The following NRXN1 variants were observed in gnomAD, a reference collection of about 807,000 sequenced individuals.
NRXN1 encodes the protein neurexin 1, also known as neurexin-1.
Under a neutral mutation model 150.9 loss-of-function variants are expected in NRXN1, and 39 were observed. The observed-to-expected ratio is 0.26, with a 90% CI of 0.20 to 0.34. NRXN1 has a LOEUF of 0.34. NRXN1 is among the 10% of genes least tolerant of loss of function. NRXN1 has a pLI of 1.00. For synonymous variants in NRXN1, 924 were observed against 757.0 expected (o/e 1.22, Z -3.62); for missense variants, 1,815 against 1,949.9 (o/e 0.93, Z 1.30).
At chr2:50,984,490 G>A (rs1368230323) in intron 2 of NRXN1, among the ~76,000 whole-genome samples, 1 of 151,896 alleles carries the variant, frequency 6.6e-6, no homozygotes, top group African/African-American at 2.4e-5. Context: ...CCTAATATAT[G>A]TGCCTACTAT....
At chr2:50,756,147 T>C (rs1701135788) in intron 5 of NRXN1, among the ~76,000 whole-genome samples, 1 of 151,808 alleles carries the variant, frequency 6.6e-6, no homozygotes, top group South Asian at 2.1e-4. Flanking sequence ...TGGTCTTTCC[T>C]TCCCACAGGG....
chr2:50,203,923 G>C (rs1193492339), intron 18 of NRXN1, among the ~76,000 whole-genome samples: 1 of 152,086 alleles, frequency 6.6e-6, no homozygotes, highest in African/African-American at 2.4e-5. Context: ...GAATTCCACA[G>C]TGTTTAGGAA....
intron 8 of NRXN1, among the ~76,000 whole-genome samples, chr2:50,562,019 C>A (rs1669162434): frequency 6.6e-6 from 1 of 152,160 alleles, no homozygotes; most frequent in South Asian, 2.1e-4. Flanking sequence ...ACTTTTCAAT[C>A]TCCTGCTAGT....
chr2:50,729,521 C>T (rs957401961), intron 5 of NRXN1, among the ~76,000 whole-genome samples: 2 of 152,174 alleles, frequency 1.3e-5, no homozygotes, highest in Non-Finnish European at 2.9e-5. Flanking sequence ...CTATGCTAAA[C>T]GGCTTCAGCA....
chr2:50,110,515 A>G (rs1331531019), intron 18 of NRXN1, among the ~76,000 whole-genome samples: 1 of 151,348 alleles, frequency 6.6e-6, no homozygotes, highest in Non-Finnish European at 1.5e-5. Context: ...AAAAAAAAGA[A>G]AGAAAGAATG....
chr2:50,250,668 A>G (rs774222718), intron 17 of NRXN1, among the ~76,000 whole-genome samples: 1 of 152,060 alleles, frequency 6.6e-6, no homozygotes, highest in African/African-American at 2.4e-5. Context: ...TCACAAAAGT[A>G]GAAAAATGTA....
chr2:50,577,023 TA>T (rs1394060112), intron 8 of NRXN1, among the ~76,000 whole-genome samples: 8 of 152,138 alleles, frequency 5.3e-5, no homozygotes, highest in African/African-American at 1.9e-4. Context: ...CCAAAACTTG[TA>T]TCTATATTCC....
chr2:50,642,628 T>G (rs539254699), intron 5 of NRXN1, among the ~76,000 whole-genome samples: 13 of 152,206 alleles, frequency 8.5e-5, no homozygotes, highest in African/African-American at 3.1e-4. Context: ...GGTGAATTAT[T>G]GATTGGCATG....
At chr2:50,617,194 G>A (rs981044466) in intron 8 of NRXN1, among the ~76,000 whole-genome samples, 7 of 152,002 alleles carry the variant, frequency 4.6e-5, no homozygotes, top group African/African-American at 1.7e-4. Context: ...AGCACGTTGG[G>A]AGGCCAAGGC....
At chr2:50,003,718 C>T (rs990411310) in intron 21 of NRXN1, among the ~76,000 whole-genome samples, 1 of 152,016 alleles carries the variant, frequency 6.6e-6, no homozygotes, top group Admixed American at 6.6e-5. Context: ...TTAAAATTTC[C>T]ATACCATAAT....
intron 22 of NRXN1, 60 bp from the exon 23 acceptor site, chr2:49,922,311 G>A: frequency 1.4e-6 from 2 of 1,464,964 alleles, no homozygotes; most frequent in South Asian, 1.2e-5. Context: ...GAATACCAGA[G>A]AGCTATATTA....
chr2:50,015,017 T>A (rs1385755384), intron 21 of NRXN1, among the ~76,000 whole-genome samples: 2 of 152,226 alleles, frequency 1.3e-5, no homozygotes, highest in Non-Finnish European at 2.9e-5. Context: ...ATGTTCTACA[T>A]AATTTTTAAG....
Position 50,698,604 on chromosome 2 carries a change from A to G in NRXN1, c.833-74989T>C, listed in dbSNP as rs1693266961. On this transcript the variant is annotated intron_variant, in intron 5 of 22. Transcript: ENST00000401669. ...CAATAGAGTAAACACTAATACATAT[A>G]CATAACCTATACAACAAACATAAAC... Among the ~76,000 whole-genome samples the G allele has an allele frequency of 2.6e-5, 4 of 152,350 alleles. No individual in the cohort carries two copies. In the South Asian group the frequency reaches 8.3e-4, roughly 32 times the overall value.
At chr2:50,448,108 A>G (rs2086623230) in intron 17 of NRXN1, among the ~76,000 whole-genome samples, 1 of 152,002 alleles carries the variant, frequency 6.6e-6, no homozygotes, top group South Asian at 2.1e-4. Flanking sequence ...TTTTGAGGGG[A>G]AGGTGAAAAA....
intron 5 of NRXN1, among the ~76,000 whole-genome samples, chr2:50,884,175 A>T (rs1353411246): frequency 1.3e-5 from 2 of 151,784 alleles, no homozygotes; most frequent in Non-Finnish European, 2.9e-5. Context: ...AAGATTTTTT[A>T]AAAATTTACA....
At chr2:50,231,168 T>G (rs1255192341) in intron 18 of NRXN1, among the ~76,000 whole-genome samples, 3 of 152,122 alleles carry the variant, frequency 2.0e-5, no homozygotes, top group Non-Finnish European at 4.4e-5. Context: ...GTTAAACCTC[T>G]ATAAAATCAG....
intron 5 of NRXN1, among the ~76,000 whole-genome samples, chr2:50,682,473 T>C (rs948498013): frequency 4.6e-5 from 7 of 152,070 alleles, no homozygotes; most frequent in African/African-American, 7.2e-5. Context: ...CTTATCAACA[T>C]TAAATAAGGG....
chr2:50,647,110 C>T (rs1169433798), intron 5 of NRXN1, among the ~76,000 whole-genome samples: 9 of 151,572 alleles, frequency 5.9e-5, no homozygotes, highest in South Asian at 2.1e-4. Context: ...AATAATTACC[C>T]GCTGAACAAA....
At chr2:50,492,626 C>G (rs1034264640) in intron 15 of NRXN1, among the ~76,000 whole-genome samples, 2 of 152,114 alleles carry the variant, frequency 1.3e-5, no homozygotes, top group African/African-American at 4.8e-5. Flanking sequence ...CCCCAACTCC[C>G]GGGTCCTATG....
Sources: allele counts gnomAD v4.1 joint callset (sites outside exome capture counted in the v4.1 genomes callset), GRCh38; gene constraint gnomAD v4.1.1; transcripts MANE v1.5; gene names NCBI Gene and HGNC (gene_info 2026-07-23, HGNC 2026-07-21).